KDM4C: variants seen among roughly 807,000 people sequenced by gnomAD.
The protein encoded by KDM4C is lysine demethylase 4C.
KDM4C carries 81 observed loss-of-function variants against 129.3 expected under a neutral mutation model. That is an observed-to-expected ratio of 0.63 (90% confidence interval 0.52 to 0.75). KDM4C has a LOEUF of 0.75. Among genes scored for constraint, KDM4C ranks in the 30% least tolerant of loss-of-function variants. The pLI is 0.00. For missense variants in KDM4C, 1,457 were observed against 1,304.0 expected (o/e 1.12, Z -1.81); for synonymous variants, 573 against 456.1 (o/e 1.26, Z -3.26).
intron 19 of KDM4C, among the ~76,000 whole-genome samples, chr9:7,155,461 A>G (rs1843066074): frequency 6.6e-6 from 1 of 151,924 alleles, no homozygotes; most frequent in Admixed American, 6.6e-5. Context: ...GCACCCATCA[A>G]CTCGTCATTT....
chr9:6,938,052 C>G (rs556556863), intron 8 of KDM4C, among the ~76,000 whole-genome samples: 3 of 152,184 alleles, frequency 2.0e-5, no homozygotes, highest in East Asian at 3.9e-4. Context: ...CAGTTACTTT[C>G]AATATTTTAC....
At chr9:6,854,017 T>A (rs563361320) in intron 5 of KDM4C, among the ~76,000 whole-genome samples, 1 of 152,332 alleles carries the variant, frequency 6.6e-6, no homozygotes, top group African/African-American at 2.4e-5. Context: ...ATTATTTTAA[T>A]AACCATGAAA....
chr9:6,987,482 G>C (rs533437364), intron 11 of KDM4C, among the ~76,000 whole-genome samples: 4 of 151,960 alleles, frequency 2.6e-5, no homozygotes, highest in Non-Finnish European at 5.9e-5. Context: ...ACTTTTTTTT[G>C]ATGTATCCAG....
At chr9:7,078,806 T>C (rs1219987734) in intron 17 of KDM4C, among the ~76,000 whole-genome samples, 2 of 152,348 alleles carry the variant, frequency 1.3e-5, no homozygotes, top group African/African-American at 2.4e-5. Flanking sequence ...GTAACTTACA[T>C]GTACACTGGA....
chr9:6,811,568 A>G (rs561857595), intron 3 of KDM4C, among the ~76,000 whole-genome samples: 1 of 152,190 alleles, frequency 6.6e-6, no homozygotes, highest in Non-Finnish European at 1.5e-5. Flanking sequence ...GAGATTTCCG[A>G]TATAACTCTA....
chr9:6,887,129 C>T (rs968676582), intron 6 of KDM4C, among the ~76,000 whole-genome samples: 28 of 152,132 alleles, frequency 1.8e-4, no homozygotes, highest in Non-Finnish European at 3.2e-4. Flanking sequence ...TTCCTTGTTT[C>T]TTGTTTTTCC....
intron 12 of KDM4C, among the ~76,000 whole-genome samples, chr9:7,007,924 A>G (rs78773433): frequency 0.042 from 6,382 of 152,308 alleles, 309 homozygotes; most frequent in East Asian, 0.26. Flanking sequence ...AGACAGTGGA[A>G]TAGGACTTCA....
At chr9:6,832,995 C>T (rs995013452) in intron 4 of KDM4C, among the ~76,000 whole-genome samples, 6 of 151,866 alleles carry the variant, frequency 4.0e-5, no homozygotes, top group Non-Finnish European at 7.4e-5. Context: ...CTCGGCCTCC[C>T]AAAGTGCTAG....
intron 12 of KDM4C, among the ~76,000 whole-genome samples, chr9:7,004,242 G>T (rs1821246710): frequency 6.6e-6 from 1 of 152,184 alleles, no homozygotes; most frequent in Non-Finnish European, 1.5e-5. Context: ...TTTGTTCAAA[G>T]ATACTGTCCT....
At chr9:6,967,976 A>G (rs957348363) in intron 8 of KDM4C, among the ~76,000 whole-genome samples, 6 of 151,856 alleles carry the variant, frequency 4.0e-5, no homozygotes, top group Admixed American at 2.6e-4. Context: ...AGATTAATTG[A>G]GACAATATCT....
intron 17 of KDM4C, among the ~76,000 whole-genome samples, chr9:7,101,961 A>G (rs1837146202): frequency 6.6e-6 from 1 of 152,244 alleles, no homozygotes; most frequent in Non-Finnish European, 1.5e-5. Context: ...ACTGACAAAA[A>G]GATACCAAAA....
In KDM4C at chr9:6,803,308, C is replaced by T. The variant is rs190455191; in HGVS notation, c.145-2291C>T. Among the ~76,000 whole-genome samples, 8 of 152,238 alleles carry T rather than the reference C, an allele frequency of 5.3e-5. No homozygotes were observed. The East Asian group carries it at 1.5e-3, about 29-fold the overall frequency. ...TTGTTTTAGGCCAGGCACGGTGGCT[C>T]ATGCTTGTAATCCCAACACTTTGGG... On this transcript the variant is annotated intron_variant, in intron 2 of 21. Coordinates refer to ENST00000381309, the MANE Select transcript of KDM4C (RefSeq NM_015061.6).
In KDM4C at chr9:7,122,860, A is replaced by G. The variant is rs149614995; in HGVS notation, c.2611-5206A>G. 1.1e-3 allele frequency among the ~76,000 whole-genome samples: 172 copies of G among 152,308 alleles called. 1 individual carries two copies. The highest frequency in any genetic ancestry group is 3.9e-3 in the African/African-American group (162 of 41,572). ...AGCCTTAGCTTACACACTAATCTTC[A>G]GAACACCATAGCCATTTCTTTAATC... On this transcript the variant is annotated intron_variant, in intron 18 of 21. Transcript: ENST00000381309.
intron 8 of KDM4C, among the ~76,000 whole-genome samples, chr9:6,973,164 A>C (rs573217215): frequency 1.3e-5 from 2 of 152,336 alleles, no homozygotes; most frequent in African/African-American, 2.4e-5. Flanking sequence ...TATTTCAAAA[A>C]CATGAGTTGT....
chr9:6,914,984 C>G (rs1334624738), intron 8 of KDM4C, among the ~76,000 whole-genome samples: 1 of 152,170 alleles, frequency 6.6e-6, no homozygotes, highest in Non-Finnish European at 1.5e-5. Context: ...TGCTGTCTAC[C>G]TATCTTTCTC....
intron 8 of KDM4C, among the ~76,000 whole-genome samples, chr9:6,923,037 C>G (rs992956358): frequency 6.6e-6 from 1 of 152,160 alleles, no homozygotes; most frequent in Non-Finnish European, 1.5e-5. Flanking sequence ...GCTTTAGATT[C>G]TCCTCAGGTA....
chr9:6,821,494 T>TAGACACAA (rs1833022917), intron 4 of KDM4C, among the ~76,000 whole-genome samples: 1 of 152,234 alleles, frequency 6.6e-6, no homozygotes, highest in East Asian at 1.9e-4. Flanking sequence ...TTTTTTCTTG[T>TAGACACAA]GTCTGTTGGC....
In KDM4C at chr9:6,793,089, C is replaced by T. The variant is rs753154400; in HGVS notation, c.101C>T (p.Ala34Val). 5 of 1,614,080 alleles carry T rather than the reference C, an allele frequency of 3.1e-6. No individual in the cohort carries two copies. Among genetic ancestry groups the T allele is most frequent in the Admixed American group, 3.3e-5 (2 of 60,002 alleles). Reference sequence around the variant, plus strand: ...TTCCGGGAGTTCAACAAATACCTTGCATACATGGAGTCTAAAGGAGCCCAT... The same window carrying T: ...TTCCGGGAGTTCAACAAATACCTTGTATACATGGAGTCTAAAGGAGCCCAT... ...EEFREFNKYL[A>V]YMESKGAHRA... The change falls in exon 2 of 22, where the codon GCA (alanine) becomes GTA (valine). Residue 34 changes from alanine (A) to valine (V), a missense_variant. By Grantham distance (64) the Ala-to-Val change is moderately conservative. Transcript: ENST00000381309.
intron 4 of KDM4C, among the ~76,000 whole-genome samples, chr9:6,838,133 T>TC (rs1254735597): frequency 6.6e-6 from 1 of 152,242 alleles, no homozygotes; most frequent in Non-Finnish European, 1.5e-5. Flanking sequence ...CACCTCTCCT[T>TC]CAGGTTGGAC....
Sources: allele counts gnomAD v4.1 joint callset (sites outside exome capture counted in the v4.1 genomes callset), GRCh38; gene constraint gnomAD v4.1.1; transcripts MANE v1.5; gene names NCBI Gene and HGNC (gene_info 2026-07-23, HGNC 2026-07-21).